The following SCARF2 variants were observed in gnomAD, a reference collection of about 807,000 sequenced individuals.
SCARF2 encodes the protein scavenger receptor class F member 2.
Under a neutral mutation model 73.4 loss-of-function variants are expected in SCARF2, and 39 were observed. The ratio of observed to expected loss-of-function variants is 0.53; its 90% CI spans 0.41 to 0.69. SCARF2 has a LOEUF of 0.69. Among genes scored for constraint, SCARF2 ranks in the 30% least tolerant of loss-of-function variants. The probability of loss-of-function intolerance (pLI) is 0.00; values close to 1 mark genes in which losing one functional copy is unlikely to be tolerated. For missense variants in SCARF2, 1,148 were observed against 1,303.5 expected, an observed-to-expected ratio of 0.88 and a Z score of 1.84; for synonymous variants, 605 against 590.0, an observed-to-expected ratio of 1.03 and a Z score of -0.37.
rs1317279643 is a variant in SCARF2, at chr22:20,425,897, G to T, written c.2079C>A (p.Ser693Arg). The change falls in exon 11 of 11, where the codon AGC becomes AGA. Residue 693 changes from serine to arginine, a missense_variant. Transcript: ENST00000622235. The surrounding 1 kb of genome is among the most constrained non-coding windows in gnomAD (Gnocchi z 4.6). ...PPPPGSEAAP[S>R]PSKRKRTPSD... is the part of the protein sequence containing the mutation. ...TGGGCGTCCGTTTCCTCTTGCTGGGGCTGGGCGCGGCCTCGGAGCCTGGCG... is the reference window on the plus strand; with the variant it reads ...TGGGCGTCCGTTTCCTCTTGCTGGGTCTGGGCGCGGCCTCGGAGCCTGGCG... 1.3e-6 allele frequency: 2 copies of T among 1,598,436 alleles called. No homozygotes were observed.
chr22:20,431,778 G>A lies in SCARF2; in HGVS notation c.301C>T (p.Arg101Cys). ...VCVRPGECRC[R>C]HGYFGANCDT... is the part of the protein sequence containing the mutation. ...CAGTTGGCACCGAAGTAGCCGTGGC[G>A]GCAGCGGCACTCGCCAGGCCTCACG... Residue 101 changes from arginine (R) to cysteine (C), a missense_variant, in exon 3 of 11, where the codon CGC becomes TGC. Coordinates refer to ENST00000622235, the MANE Select transcript of SCARF2 (RefSeq NM_182895.5). The A allele has an allele frequency of 6.3e-7, 1 of 1,590,958 alleles. No individual in the cohort carries two copies. The highest frequency in any genetic ancestry group is 1.3e-5 in the African/African-American group (1 of 74,744).
rs2052575182 is a variant in SCARF2 at position 20,426,130 on chromosome 22, C to G, written c.1846G>C (p.Glu616Gln). ...GCGTACAGAGCCCCTCCGGGCCCCT[C>G]CACGCTGGACGCCGACCGCTCGCTG... The part of the protein sequence containing the change: ...SDSERSASSV[E>Q]GPGGALYARV... The change falls in exon 11 of 11, where the codon GAG becomes CAG. Residue 616 changes from glutamate to glutamine, a missense_variant. Glu to Gln is a conservative substitution (Grantham distance 29). Around this residue, in one of 5 missense-constraint regions of SCARF2, gnomAD observed 437 missense variants for 433.6 expected, o/e 1.01. Coordinates refer to ENST00000622235, the MANE Select transcript of SCARF2 (RefSeq NM_182895.5). 9.5e-6 allele frequency: 14 copies of G among 1,468,670 alleles called. No homozygotes were observed. The highest frequency in any genetic ancestry group is 1.2e-5 in the Non-Finnish European group (13 of 1,117,664). 91.0% of individuals were successfully genotyped at this position (1,468,670 alleles called of 1,614,324 possible). A position where few individuals can be genotyped will look rare whatever the true frequency, so the allele number is the denominator to read the frequency against.
In SCARF2 at chr22:20,431,955, C is replaced by G. The variant is rs759342225; in HGVS notation, c.207G>C (p.Arg69Ser). ...CAATCCCACACTCGTCCCCTTGCTGCCTCCAGCCAGCGCAGCACGTGGGCA... is the reference window on the plus strand; with the variant it reads ...CAATCCCACACTCGTCCCCTTGCTGGCTCCAGCCAGCGCAGCACGTGGGCA... Reference protein sequence around the residue: ...SQVPTCCAGWRQQGDECGIAV... With the variant: ...SQVPTCCAGWSQQGDECGIAV... The change falls in exon 2 of 11, where the codon AGG (arginine) becomes AGC (serine). Residue 69 changes from arginine to serine, a missense_variant. By Grantham distance (110) the Arg-to-Ser change is moderately radical (BLOSUM62 -1). Coordinates refer to ENST00000622235, the MANE Select transcript of SCARF2 (RefSeq NM_182895.5). 1.9e-6 allele frequency: 3 copies of G among 1,611,254 alleles called. No homozygotes were observed. The highest frequency in any genetic ancestry group is 2.5e-6 in the Non-Finnish European group (3 of 1,179,600).
chr22:20,437,685 G>T lies in SCARF2; in HGVS notation c.70C>A (p.Leu24Met). Residue 24 changes from leucine to methionine, a missense_variant, in exon 1 of 11, where the codon CTG (leucine) becomes ATG (methionine). Physicochemically the swap from Leu to Met is conservative, Grantham distance 15. Transcript: ENST00000622235. ...AGCAGCAGCAGCAGCGACGGCAGCA[G>T]CGGTGACGGCGGCCCCCCGGCTCCC... ...RRGAGGPPSP[L>M]LPSLLLLLLL... 1 of 1,481,622 alleles carries T rather than the reference G, an allele frequency of 6.7e-7. No homozygotes were observed. Among genetic ancestry groups the T allele is most frequent in the Non-Finnish European group, 8.9e-7 (1 of 1,122,074 alleles). 91.8% of individuals were successfully genotyped at this position (1,481,622 alleles called of 1,614,324 possible). A position where few individuals can be genotyped will look rare whatever the true frequency, so the allele number is the denominator to read the frequency against.
At chr22:20,427,082 C>G (rs1041966199) in intron 10 of SCARF2, among the ~76,000 whole-genome samples, 4 of 152,090 alleles carry the variant, frequency 2.6e-5, no homozygotes, top group Non-Finnish European at 4.4e-5. Flanking sequence ...GTGGATCCAA[C>G]TCCCATACTC....
chr22:20,428,936 G>A (rs1390074715), intron 9 of SCARF2, among the ~76,000 whole-genome samples: 1 of 152,082 alleles, frequency 6.6e-6, no homozygotes, highest in East Asian at 1.9e-4. Flanking sequence ...GAGCCTGCGG[G>A]ACCCAGATGT....
Position 20,436,836 on chromosome 22 carries a change from C to G in SCARF2, c.173+746G>C, listed in dbSNP as rs571515847. ...GTCCGGGGCTCACCTCTCTGCCCTC[C>G]GTGCAAACTCCCGGACTCGCCCCCC... On this transcript the variant is annotated intron_variant, in intron 1 of 10. Transcript: ENST00000622235. Among the ~76,000 whole-genome samples the G allele has an allele frequency of 2.0e-5, 3 of 152,282 alleles. No homozygotes were observed. In the East Asian group the frequency reaches 5.8e-4, roughly 30 times the overall value.
chr22:20,430,600 C>G (rs1569108913), intron 5 of SCARF2, 43 bp from the exon 6 acceptor site: 2 of 1,611,016 alleles, frequency 1.2e-6, no homozygotes, highest in East Asian at 4.5e-5. Context: ...TGGAGGCAAA[C>G]GGACCACAGC....
Position 20,427,450 on chromosome 22 carries a change from G to A in SCARF2, c.1641C>T (p.Phe547=). ...CTTCATCAGTGGTGTCAAACGAGGA[G>A]AAGGAGGCCCGAGAGGACCAGGATG... The part of the protein sequence containing the change: ...PSPSWSSRAS[F]SSFDTTDEGP... Residue 547 remains phenylalanine, a synonymous_variant, in exon 10 of 11, where the codon TTC becomes TTT. Coordinates refer to ENST00000622235, the MANE Select transcript of SCARF2 (RefSeq NM_182895.5). The A allele has an allele frequency of 6.2e-7, 1 of 1,614,208 alleles. No individual in the cohort carries two copies. The highest frequency in any genetic ancestry group is 1.1e-5 in the South Asian group (1 of 91,084).
chr22:20,435,968 C>A lies in SCARF2; in HGVS notation c.173+1614G>T, dbSNP rs551443791. ...GGAAGCCTTGCAAGATGTGGGAGGA[C>A]AACAAAGACATGACCCAGACCCCAG... On this transcript the variant is annotated intron_variant, in intron 1 of 10. Transcript: ENST00000622235. 2.0e-5 allele frequency among the ~76,000 whole-genome samples: 3 copies of A among 152,344 alleles called. No homozygotes were observed. In the South Asian group the frequency reaches 6.2e-4, roughly 32 times the overall value.
Position 20,430,672 on chromosome 22 carries a change from G to T in SCARF2, c.1073+18C>A. On this transcript the variant is annotated intron_variant, in intron 5 of 10. Coordinates refer to ENST00000622235, the MANE Select transcript of SCARF2 (RefSeq NM_182895.5). ...CGGGGGACTGCGTGTCTGGGCCGAC[G>T]CAGGCAGGGCTGCTCACCGGTCGCC... 1 of 1,596,148 alleles carries T rather than the reference G, an allele frequency of 6.3e-7. No homozygotes were observed. The highest frequency in any genetic ancestry group is 8.5e-7 in the Non-Finnish European group (1 of 1,172,146).
At position 20,430,564 on chromosome 22, in the gene SCARF2, A is replaced by G. The variant is rs2052632176; in HGVS notation, c.1074-7T>C. The G allele has an allele frequency of 1.2e-6, 2 of 1,611,932 alleles. No homozygotes were observed. Among genetic ancestry groups the G allele is most frequent in the Non-Finnish European group, 1.7e-6 (2 of 1,179,398 alleles). ...GCTACACTTGGTCTCGCACCTTGGA[A>G]AGAGGGGAGGAGGCGTCAGCAGAAA... On this transcript the variant is annotated splice_region_variant and splice_polypyrimidine_tract_variant and intron_variant, in intron 5 of 10. Coordinates refer to ENST00000622235, the MANE Select transcript of SCARF2 (RefSeq NM_182895.5).
chr22:20,425,908 C>T lies in SCARF2; in HGVS notation c.2068G>A (p.Ala690Thr), dbSNP rs754834513. Residue 690 changes from alanine (A) to threonine (T), a missense_variant, in exon 11 of 11, where the codon GCC (alanine) becomes ACC (threonine). Physicochemically the swap from Ala to Thr is moderately conservative, Grantham distance 58. Coordinates refer to ENST00000622235, the MANE Select transcript of SCARF2 (RefSeq NM_182895.5). The surrounding 1 kb of genome is among the most constrained non-coding windows in gnomAD (Gnocchi z 4.6). ...TTCCTCTTGCTGGGGCTGGGCGCGG[C>T]CTCGGAGCCTGGCGGCGGTGGTGAG... ...APSPPPPGSE[A>T]APSPSKRKRT... 3 of 1,598,168 alleles carry T rather than the reference C, an allele frequency of 1.9e-6. No individual in the cohort carries two copies. The highest frequency in any genetic ancestry group is 4.6e-5 in the East Asian group (2 of 43,654).
At position 20,432,823 on chromosome 22, in the gene SCARF2, TCTC is replaced by T. The variant is rs201596820; in HGVS notation, c.174-838_174-836del. Among the ~76,000 whole-genome samples the T allele has an allele frequency of 1.6e-3, 239 of 152,246 alleles. 7 individuals are homozygous for T. In the East Asian group the frequency reaches 0.041, roughly 26 times the overall value. ...CTTCCACCTCCCAGGTTCAAGCAAT[TCTC>T]CTGCCTCAAACCTCTCAAGTAGCTG... On this transcript the variant is annotated intron_variant, in intron 1 of 10. Coordinates refer to ENST00000622235, the MANE Select transcript of SCARF2 (RefSeq NM_182895.5).
At chr22:20,427,857 T>A (rs754741753) in intron 9 of SCARF2, among the ~76,000 whole-genome samples, 5 of 152,222 alleles carry the variant, frequency 3.3e-5, no homozygotes, top group Non-Finnish European at 5.9e-5. Context: ...GAGACGGGGC[T>A]GAAGAAGACA....
Position 20,431,511 on chromosome 22 carries a change from C to T in SCARF2, c.361G>A (p.Asp121Asn), listed in dbSNP as rs369270631. ...TKCPRQFWGP[D>N]CKELCSCHPH... ...TGGCAGCTACACAGCTCCTTGCAGT[C>T]GGGGCCCCAGAACTGGCGCGGGCAC... is the stretch of plus-strand genomic sequence containing the variant. Residue 121 changes from aspartate (D) to asparagine (N), a missense_variant, in exon 4 of 11, where the codon GAC (aspartate) becomes AAC (asparagine). By Grantham distance (23) the Asp-to-Asn change is conservative. This residue lies in a region of SCARF2 where 372 missense variants were observed against 532.0 expected (regional missense o/e 0.70). Coordinates refer to ENST00000622235, the MANE Select transcript of SCARF2 (RefSeq NM_182895.5). 58 of 1,577,436 alleles carry T rather than the reference C, an allele frequency of 3.7e-5. No individual in the cohort carries two copies. The highest frequency in any genetic ancestry group is 4.9e-5 in the Non-Finnish European group (57 of 1,170,226).
rs774701231 is a variant in SCARF2 at position 20,426,051 on chromosome 22, C to T, written c.1925G>A (p.Gly642Asp). The part of the protein sequence containing the change: ...RPARARGEIG[G>D]LSLSPSPERR... Reference sequence around the variant, plus strand: ...CTCGGGCGATGGCGACAGCGACAGGCCCCCAATCTCGCCCCGGGCCCGGGC... The same window carrying T: ...CTCGGGCGATGGCGACAGCGACAGGTCCCCAATCTCGCCCCGGGCCCGGGC... Residue 642 changes from glycine to aspartate, a missense_variant, in exon 11 of 11, where the codon GGC (glycine) becomes GAC (aspartate). By Grantham distance (94) the Gly-to-Asp change is moderately conservative (BLOSUM62 -1). Coordinates refer to ENST00000622235, the MANE Select transcript of SCARF2 (RefSeq NM_182895.5). The T allele has an allele frequency of 1.3e-6, 2 of 1,572,320 alleles. No individual in the cohort carries two copies. Among genetic ancestry groups the T allele is most frequent in the East Asian group, 2.4e-5 (1 of 41,594 alleles).
Position 20,425,352 on chromosome 22 carries a change from G to A in SCARF2, c.*23C>T, listed in dbSNP as rs1194645667. On this transcript the variant is annotated 3_prime_UTR_variant, in exon 11 of 11. Coordinates refer to ENST00000622235, the MANE Select transcript of SCARF2 (RefSeq NM_182895.5). The surrounding 1 kb of genome is among the most constrained non-coding windows in gnomAD (Gnocchi z 4.6). ...GCGGCGCTGCGAAGCTGAGGGAGCT[G>A]CGCGCGGACGAGCCACAGCCTGCTA... 7.3e-7 allele frequency: 1 copy of A among 1,374,564 alleles called. No individual in the cohort carries two copies. The highest frequency in any genetic ancestry group is 2.8e-5 in the Admixed American group (1 of 35,286). The allele number at this position is 1,374,564 out of a possible 1,614,324, so 85.1% of individuals were successfully genotyped here.
At chr22:20,435,703 G>C (rs983620557) in intron 1 of SCARF2, among the ~76,000 whole-genome samples, 3 of 152,110 alleles carry the variant, frequency 2.0e-5, no homozygotes, top group Non-Finnish European at 4.4e-5. Context: ...CTTCTCAGCC[G>C]TTCTCCTCAG....
Sources: allele counts gnomAD v4.1 joint callset (sites outside exome capture counted in the v4.1 genomes callset), GRCh38; gene constraint gnomAD v4.1.1; regional missense constraint gnomAD v4.1.1; non-coding constraint Gnocchi (gnomAD v3.1); transcripts MANE v1.5; gene names NCBI Gene and HGNC (gene_info 2026-07-23, HGNC 2026-07-21).